Variants in CLPB observed in about 807,000 individuals in gnomAD.
The protein encoded by CLPB is mitochondrial disaggregase.
A neutral mutation model predicts 78.4 loss-of-function variants in CLPB; 40 were observed. The ratio of observed to expected loss-of-function variants is 0.51; its 90% CI spans 0.40 to 0.66. The LOEUF is 0.66. Among genes scored for constraint, CLPB ranks in the 30% least tolerant of loss-of-function variants. The pLI is 0.00. For synonymous variants in CLPB, 333 were observed against 348.0 expected, an observed-to-expected ratio of 0.96 and a Z score of 0.48; for missense variants, 780 against 886.9, an observed-to-expected ratio of 0.88 and a Z score of 1.53.
chr11:72,411,004 GAC>G (rs1855861183), intron 2 of CLPB: 2 of 152,070 alleles, frequency 1.3e-5, no homozygotes, highest in African/African-American at 4.8e-5. Context: ...TCCCTAAGAT[GAC>G]CTTGTTGCCA....
At chr11:72,295,411 AG>A in intron 12 of CLPB, 80 bp downstream of exon 12, 1 of 1,490,062 alleles carries the variant, frequency 6.7e-7, no homozygotes, top group South Asian at 1.2e-5. Flanking sequence ...ACCTGGGCCC[AG>A]GGCCCCAATC....
intron 6 of CLPB, among the ~76,000 whole-genome samples, chr11:72,324,419 T>C (rs1436942560): frequency 1.3e-5 from 2 of 151,738 alleles, no homozygotes; most frequent in East Asian, 3.9e-4. Flanking sequence ...AATACAAAAA[T>C]TAGCCAGTTG....
intron 2 of CLPB, 34 bp from the exon 3 acceptor site, chr11:72,403,086 G>C (rs779494296): frequency 1.5e-5 from 24 of 1,586,292 alleles, no homozygotes; most frequent in African/African-American, 2.7e-5. Context: ...TTCAGTGTAT[G>C]GCTTGACATC....
intron 3 of CLPB, among the ~76,000 whole-genome samples, chr11:72,380,818 A>G (rs1854888319): frequency 1.3e-5 from 2 of 152,222 alleles, no homozygotes; most frequent in African/African-American, 4.8e-5. Flanking sequence ...ACCATGTTCT[A>G]GTCCCTATTT....
chr11:72,401,789 T>G (rs949001017), intron 3 of CLPB, among the ~76,000 whole-genome samples: 2 of 152,236 alleles, frequency 1.3e-5, no homozygotes, highest in African/African-American at 4.8e-5. Context: ...AAAGTATCCC[T>G]TTTTGCTCTT....
rs1949499765 is a variant in CLPB, at chr11:72,294,012, C to G, written c.1785+10G>C. ...TGGAGGCGCCTCATTTCTCAGGCTC[C>G]TGTGCTCACCTCATGTTTGATGGAG... On this transcript the variant is annotated intron_variant, in intron 15 of 15. Coordinates refer to ENST00000538039, the MANE Select transcript of CLPB (RefSeq NM_001258392.3). 6.2e-7 allele frequency: 1 copy of G among 1,611,886 alleles called. No homozygotes were observed. Among genetic ancestry groups the G allele is most frequent in the East Asian group, 2.2e-5 (1 of 44,828 alleles).
At chr11:72,380,167 A>G in intron 4 of CLPB, 114 bp downstream of exon 4, 1 of 779,972 alleles carries the variant, frequency 1.3e-6, no homozygotes, top group Non-Finnish European at 2.2e-6. Flanking sequence ...CCACAGAGGT[A>G]AAGAACATGC....
At chr11:72,421,670 C>T (rs1292844113) in intron 2 of CLPB, among the ~76,000 whole-genome samples, 1 of 152,208 alleles carries the variant, frequency 6.6e-6, no homozygotes. Context: ...TGCGTTAGGC[C>T]CTGGCTGTTC....
At chr11:72,294,293 C>G in intron 14 of CLPB, 32 bp downstream of exon 14, 2 of 1,614,106 alleles carry the variant, frequency 1.2e-6, no homozygotes, top group South Asian at 2.2e-5. Flanking sequence ...GGCTGGCTAT[C>G]CCGCCCCCAC....
chr11:72,293,747 T>C (rs1296798533), intron 15 of CLPB, 132 bp from the exon 16 acceptor site: 2 of 1,154,500 alleles, frequency 1.7e-6, no homozygotes, highest in Non-Finnish European at 2.4e-6. Flanking sequence ...ATTTGCCAAT[T>C]GGGGCTAATA....
At chr11:72,424,140 T>A (rs1056242476) in intron 2 of CLPB, among the ~76,000 whole-genome samples, 1 of 152,188 alleles carries the variant, frequency 6.6e-6, no homozygotes, top group Non-Finnish European at 1.5e-5. Flanking sequence ...ATTTTCAGGG[T>A]TCATCCATGT....
chr11:72,396,519 G>C (rs1855412142), intron 3 of CLPB, among the ~76,000 whole-genome samples: 1 of 152,170 alleles, frequency 6.6e-6, no homozygotes, highest in South Asian at 2.1e-4. Context: ...AGAGTCCAGA[G>C]ATAAGGAACC....
At position 72,285,960 on chromosome 11, in the gene CLPB, T is replaced by A. The variant is rs1333969013; in HGVS notation, c.*7407A>T. The A allele has an allele frequency of 6.6e-6, 1 of 152,020 alleles. No individual in the cohort carries two copies. The highest frequency in any genetic ancestry group is 1.5e-5 in the Non-Finnish European group (1 of 68,010). The allele number at this position is 152,020 out of a possible 1,614,324, so 9.4% of individuals were successfully genotyped here. On this transcript the variant is annotated 3_prime_UTR_variant, in exon 16 of 16. Transcript: ENST00000538039. ...AATAGGCTTCTACTATAGCCTTTTT[T>A]TTTTTTTTGGAGATAGGCTGGAGTG... is the stretch of plus-strand genomic sequence containing the variant.
chr11:72,409,363 C>A (rs543396247), intron 2 of CLPB, among the ~76,000 whole-genome samples: 1 of 151,496 alleles, frequency 6.6e-6, no homozygotes, highest in East Asian at 2.0e-4. Context: ...GTGAACAGAC[C>A]ACCTAAGGTC....
At chr11:72,386,062 T>C (rs1404826583) in intron 3 of CLPB, among the ~76,000 whole-genome samples, 3 of 152,188 alleles carry the variant, frequency 2.0e-5, no homozygotes, top group African/African-American at 7.2e-5. Context: ...TGCAAAAAGA[T>C]TGTGCTAATT....
chr11:72,376,963 C>G (rs1259854051), intron 4 of CLPB, among the ~76,000 whole-genome samples: 1 of 152,182 alleles, frequency 6.6e-6, no homozygotes, highest in African/African-American at 2.4e-5. Context: ...AGCCACAGTG[C>G]CCAGCGTTTT....
At chr11:72,386,186 A>C (rs117422247) in intron 3 of CLPB, among the ~76,000 whole-genome samples, 1 of 152,314 alleles carries the variant, frequency 6.6e-6, no homozygotes, top group East Asian at 1.9e-4. Flanking sequence ...AAAACAGAAA[A>C]TAGAATCACA....
At chr11:72,430,162 C>A in intron 2 of CLPB, 150 bp downstream of exon 2, 1 of 736,232 alleles carries the variant, frequency 1.4e-6, no homozygotes, top group East Asian at 2.7e-5. Context: ...TAAAGGAAGC[C>A]CAGGTGACTC....
intron 7 of CLPB, among the ~76,000 whole-genome samples, chr11:72,316,525 A>G (rs190260586): frequency 9.2e-5 from 14 of 152,350 alleles, no homozygotes; most frequent in Non-Finnish European, 1.9e-4. Context: ...GGGCCATTAC[A>G]TTAGGGATTA....
Sources: gnomAD v4.1 joint callset for allele counts (sites outside exome capture counted in the v4.1 genomes callset) on GRCh38, gnomAD v4.1.1 for gene constraint, MANE v1.5 for transcripts, NCBI Gene and HGNC (gene_info 2026-07-23, HGNC 2026-07-21) for gene names.